Variants in TMEM108 observed in about 807,000 individuals in gnomAD.
The protein encoded by TMEM108 is transmembrane protein 108, also known as cancer/testis antigen 124.
In TMEM108, 12 loss-of-function variants were observed where a neutral mutation model predicts 35.1. The observed-to-expected ratio is 0.34, with a 90% CI of 0.22 to 0.55. The LOEUF (loss-of-function observed/expected upper bound fraction) is 0.55, where lower values mean the gene tolerates loss of function less well. TMEM108 is among the 20% of genes least tolerant of loss of function. The pLI is 0.89. For missense variants in TMEM108, 680 were observed against 753.3 expected (o/e 0.90, Z 1.14); for synonymous variants, 287 against 308.6 (o/e 0.93, Z 0.73).
At chr3:133,336,640 G>T (rs765222296) in intron 3 of TMEM108, among the ~76,000 whole-genome samples, 1 of 151,956 alleles carries the variant, frequency 6.6e-6, no homozygotes, top group Non-Finnish European at 1.5e-5. Context: ...TATGGGGAGA[G>T]ACTACTTCTG....
At chr3:133,072,248 T>C (rs915279608) in intron 2 of TMEM108, among the ~76,000 whole-genome samples, 3 of 152,088 alleles carry the variant, frequency 2.0e-5, no homozygotes, top group Non-Finnish European at 4.4e-5. Context: ...AACAGTGAGG[T>C]CAATGAGGTA....
intron 2 of TMEM108, among the ~76,000 whole-genome samples, chr3:133,209,364 A>G (rs1945803475): frequency 6.6e-6 from 1 of 152,164 alleles, no homozygotes; most frequent in East Asian, 1.9e-4. Flanking sequence ...TTAGAATATA[A>G]TTTGCTATGA....
intron 2 of TMEM108, among the ~76,000 whole-genome samples, chr3:133,121,164 A>G (rs1440955079): frequency 6.6e-6 from 1 of 152,170 alleles, no homozygotes; most frequent in Non-Finnish European, 1.5e-5. Context: ...CTCAGAAACA[A>G]GCTGCCTTTC....
chr3:133,158,481 A>G (rs796440957), intron 2 of TMEM108, among the ~76,000 whole-genome samples: 43 of 151,770 alleles, frequency 2.8e-4, no homozygotes, highest in African/African-American at 8.2e-4. Flanking sequence ...AAAAAAAAAA[A>G]AAAAAAAAGA....
intron 3 of TMEM108, among the ~76,000 whole-genome samples, chr3:133,337,235 C>A (rs2071526753): frequency 6.6e-6 from 1 of 152,154 alleles, no homozygotes; most frequent in African/African-American, 2.4e-5. Flanking sequence ...TATAGCAGGC[C>A]TTGGGTGAGA....
At chr3:133,260,750 T>G (rs896297766) in intron 3 of TMEM108, among the ~76,000 whole-genome samples, 2 of 152,154 alleles carry the variant, frequency 1.3e-5, no homozygotes, top group African/African-American at 4.8e-5. Context: ...TGTAGGAGTT[T>G]AGGAGTGGAA....
intron 1 of TMEM108, among the ~76,000 whole-genome samples, chr3:133,040,385 A>G (rs1023184938): frequency 5.3e-5 from 8 of 151,674 alleles, no homozygotes; most frequent in Non-Finnish European, 7.4e-5. Flanking sequence ...TGTATTTTTT[A>G]GTAAAGACGG....
rs1023092748 is a variant in TMEM108 at position 133,121,532 on chromosome 3, C to T, written c.-47+75512C>T. On this transcript the variant is annotated intron_variant, in intron 2 of 5. Coordinates refer to ENST00000321871, the MANE Select transcript of TMEM108 (RefSeq NM_023943.4). ...TGTCATTTTGATTCGTTCTTTCATC[C>T]TATGTAGTACATTTTCAGGGTCTCA... is the stretch of plus-strand genomic sequence containing the variant. Among the ~76,000 whole-genome samples, 4 of 152,306 alleles carry T rather than the reference C, an allele frequency of 2.6e-5. No individual in the cohort carries two copies. The East Asian group carries it at 7.7e-4, about 29-fold the overall frequency.
At chr3:133,112,725 A>C (rs1376108029) in intron 2 of TMEM108, among the ~76,000 whole-genome samples, 1 of 152,188 alleles carries the variant, frequency 6.6e-6, no homozygotes, top group Admixed American at 6.6e-5. Context: ...TAAGCAGTCA[A>C]ATGTGTTTAT....
intron 3 of TMEM108, among the ~76,000 whole-genome samples, chr3:133,306,522 C>G (rs2071040226): frequency 6.6e-6 from 1 of 152,138 alleles, no homozygotes; most frequent in South Asian, 2.1e-4. Context: ...CCCCAGCCCC[C>G]CACTCAATGA....
chr3:133,140,860 A>C (rs933429317), intron 2 of TMEM108, among the ~76,000 whole-genome samples: 1 of 152,144 alleles, frequency 6.6e-6, no homozygotes, highest in Non-Finnish European at 1.5e-5. Flanking sequence ...CTAATTTTTA[A>C]TAATTATATA....
chr3:133,270,519 C>T (rs1301820321), intron 3 of TMEM108, among the ~76,000 whole-genome samples: 2 of 152,188 alleles, frequency 1.3e-5, no homozygotes, highest in East Asian at 3.8e-4. Flanking sequence ...CCAGATCTTT[C>T]TCCTAACCCT....
At chr3:133,309,596 T>C (rs2107710191) in intron 3 of TMEM108, among the ~76,000 whole-genome samples, 1 of 152,088 alleles carries the variant, frequency 6.6e-6, no homozygotes, top group African/African-American at 2.4e-5. Context: ...TTAATTTTTT[T>C]CTACCTTAAT....
chr3:133,216,585 C>T (rs756762915), intron 2 of TMEM108, among the ~76,000 whole-genome samples: 5 of 152,058 alleles, frequency 3.3e-5, no homozygotes, highest in Non-Finnish European at 5.9e-5. Flanking sequence ...CTTCAAATAA[C>T]GTCTCCCCAA....
At chr3:133,208,841 G>T (rs1305823857) in intron 2 of TMEM108, among the ~76,000 whole-genome samples, 1 of 152,034 alleles carries the variant, frequency 6.6e-6, no homozygotes, top group African/African-American at 2.4e-5. Context: ...TAACCTTCAA[G>T]GTTTAGCTGA....
At chr3:133,206,705 C>T (rs949976195) in intron 2 of TMEM108, among the ~76,000 whole-genome samples, 1 of 152,204 alleles carries the variant, frequency 6.6e-6, no homozygotes, top group African/African-American at 2.4e-5. Flanking sequence ...CACCAGATGC[C>T]AGCTGAAGCT....
intron 3 of TMEM108, among the ~76,000 whole-genome samples, chr3:133,300,024 G>T (rs1260731739): frequency 6.6e-6 from 1 of 152,082 alleles, no homozygotes; most frequent in African/African-American, 2.4e-5. Flanking sequence ...AGCCAAAGAG[G>T]CCTCAATGAA....
chr3:133,198,956 A>G (rs1945620062), intron 2 of TMEM108, among the ~76,000 whole-genome samples: 1 of 152,070 alleles, frequency 6.6e-6, no homozygotes, highest in African/African-American at 2.4e-5. Flanking sequence ...GTCTTTTCAC[A>G]TACTCCCATA....
chr3:133,232,768 A>G lies in TMEM108; in HGVS notation c.40+3417A>G, dbSNP rs530529398. ...TTTTATTTCCTGAGCTCTACTCAGG[A>G]ATGTGGTACTGAGTGTTTCATCCCA... On this transcript the variant is annotated intron_variant, in intron 3 of 5. Coordinates refer to ENST00000321871, the MANE Select transcript of TMEM108 (RefSeq NM_023943.4). 2.0e-5 allele frequency among the ~76,000 whole-genome samples: 3 copies of G among 152,288 alleles called. No homozygotes were observed. In the South Asian group the frequency reaches 6.2e-4, roughly 32 times the overall value.
Sources: allele counts gnomAD v4.1 joint callset (sites outside exome capture counted in the v4.1 genomes callset), GRCh38; gene constraint gnomAD v4.1.1; transcripts MANE v1.5; gene names NCBI Gene and HGNC (gene_info 2026-07-23, HGNC 2026-07-21).